Variants in MAD1L1 observed in about 807,000 individuals in gnomAD.
MAD1L1 encodes the protein mitotic spindle assembly checkpoint protein MAD1.
MAD1L1 carries 95 observed loss-of-function variants against 96.9 expected under a neutral mutation model. That is an observed-to-expected ratio of 0.98 (90% CI 0.83 to 1.16). The LOEUF (loss-of-function observed/expected upper bound fraction) is 1.16, where lower values mean the gene tolerates loss of function less well. Ranked by LOEUF, MAD1L1 falls within the 50% of genes most tolerant of loss-of-function variation. The pLI, the probability that MAD1L1 is intolerant of heterozygous loss-of-function variation, is 0.00. For synonymous variants in MAD1L1, 473 were observed against 396.6 expected, an observed-to-expected ratio of 1.19 and a Z score of -2.29; for missense variants, 1,007 against 954.4, an observed-to-expected ratio of 1.06 and a Z score of -0.73.
At chr7:2,041,304 C>T (rs1212522660) in intron 12 of MAD1L1, among the ~76,000 whole-genome samples, 1 of 152,186 alleles carries the variant, frequency 6.6e-6, no homozygotes, top group Non-Finnish European at 1.5e-5. Context: ...GGATGTCCTT[C>T]TCAAGGACCG....
intron 15 of MAD1L1, among the ~76,000 whole-genome samples, chr7:1,967,712 T>C (rs1308847645): frequency 1.3e-5 from 2 of 151,422 alleles, no homozygotes; most frequent in African/African-American, 4.9e-5. Context: ...TGCCAGAGAG[T>C]GAGGAAGGGC....
intron 16 of MAD1L1, among the ~76,000 whole-genome samples, chr7:1,952,959 C>T (rs1248019314): frequency 6.6e-6 from 1 of 152,190 alleles, no homozygotes; most frequent in Non-Finnish European, 1.5e-5. Flanking sequence ...GGACACGACC[C>T]CAGCCCACCA....
In MAD1L1 at chr7:1,816,292, C is replaced by A. The variant is rs369465779; in HGVS notation, c.1999-64G>T. The stretch of plus-strand genomic sequence containing the variant: ...CCCGACAGGCCTCTCCCTCTCCCCT[C>A]CCTCCCTACACAGCCCCTCCAGCCA... On this transcript the variant is annotated intron_variant, in intron 18 of 18. Transcript: ENST00000265854. 271 of 1,521,190 alleles carry A rather than the reference C, an allele frequency of 1.8e-4. 3 individuals are homozygous for A. The East Asian group carries it at 4.8e-3, about 27-fold the overall frequency. 94.2% of individuals were successfully genotyped at this position (1,521,190 alleles called of 1,614,324 possible).
At chr7:2,206,566 T>A (rs1792606943) in intron 10 of MAD1L1, among the ~76,000 whole-genome samples, 1 of 152,254 alleles carries the variant, frequency 6.6e-6, no homozygotes, top group South Asian at 2.1e-4. Flanking sequence ...CACTGAATTA[T>A]CTGGACACTT....
intron 12 of MAD1L1, among the ~76,000 whole-genome samples, chr7:2,032,323 C>A (rs1018288140): frequency 6.6e-6 from 1 of 152,248 alleles, no homozygotes; most frequent in Admixed American, 6.5e-5. Context: ...AAGGCGCGCG[C>A]CCCAGGTCTC....
At position 1,854,243 on chromosome 7, in the gene MAD1L1, C is replaced by T. The variant is rs143250253; in HGVS notation, c.1999-38015G>A. ...CGCACCCACCATGGCCCCGGTGCCT[C>T]GGTGTTGGGTACTGAGCCCGCTGGG... On this transcript the variant is annotated intron_variant, in intron 18 of 18. Transcript: ENST00000265854. 2,222 of 352,392 alleles carry T rather than the reference C, an allele frequency of 6.3e-3. 48 individuals carry two copies. Among genetic ancestry groups the T allele is most frequent in the African/African-American group, 0.044 (2,029 of 46,530 alleles). 21.8% of individuals were successfully genotyped at this position (352,392 alleles called of 1,614,324 possible).
chr7:2,012,973 G>A lies in MAD1L1; in HGVS notation c.1359+1529C>T, dbSNP rs763580987. 2.0e-5 allele frequency among the ~76,000 whole-genome samples: 3 copies of A among 152,224 alleles called. No homozygotes were observed. The East Asian group carries it at 5.8e-4, about 29-fold the overall frequency. ...ATCTTCCCTGAACAGCTGCTGGGAC[G>A]CCCATGCAGCGCAGCTCCCTGAGAC... On this transcript the variant is annotated intron_variant, in intron 13 of 18. Coordinates refer to ENST00000265854, the MANE Select transcript of MAD1L1 (RefSeq NM_001013836.2).
chr7:1,847,955 C>G (rs979335832), intron 18 of MAD1L1: 1 of 351,396 alleles, frequency 2.8e-6, no homozygotes, highest in Non-Finnish European at 5.7e-6. Flanking sequence ...AACAGGCCAC[C>G]CAGATGCAAG....
intron 11 of MAD1L1, among the ~76,000 whole-genome samples, chr7:2,102,138 C>A (rs569744781): frequency 5.9e-5 from 9 of 152,174 alleles, no homozygotes; most frequent in Admixed American, 5.9e-4. Flanking sequence ...GATGCCAAGT[C>A]CTGCCACTGC....
At chr7:2,170,650 A>C (rs1404634540) in intron 10 of MAD1L1, among the ~76,000 whole-genome samples, 1 of 152,202 alleles carries the variant, frequency 6.6e-6, no homozygotes, top group Non-Finnish European at 1.5e-5. Flanking sequence ...GGAGTGAAGA[A>C]TAGTTGCAAG....
chr7:1,874,692 C>T (rs746809039), intron 18 of MAD1L1: 14 of 367,512 alleles, frequency 3.8e-5, no homozygotes, highest in Non-Finnish European at 7.0e-5. Context: ...GCTACCTGCT[C>T]GATTGGGGCC....
chr7:1,883,220 G>A (rs931401068), intron 18 of MAD1L1, among the ~76,000 whole-genome samples: 6 of 152,156 alleles, frequency 3.9e-5, no homozygotes, highest in Non-Finnish European at 7.3e-5. Context: ...AACAAACCTT[G>A]TGCCACAAAC....
chr7:2,066,377 C>G (rs918456729), intron 12 of MAD1L1, among the ~76,000 whole-genome samples: 21 of 152,254 alleles, frequency 1.4e-4, no homozygotes, highest in African/African-American at 5.1e-4. Flanking sequence ...TGAACAGCTT[C>G]ATCACGGCTG....
rs986318432 is a variant in MAD1L1 at position 2,103,453 on chromosome 7, C to A, written c.1074-34115G>T. ...GCACCTGAGAGGACAGAGGGTGAGG[C>A]GATACAGCAGTGCAGCAGATCTCAC... is the stretch of plus-strand genomic sequence containing the variant. On this transcript the variant is annotated intron_variant, in intron 11 of 18. Transcript: ENST00000265854. This position sits in a 1 kb window ranked among gnomAD's most constrained non-coding sequence, Gnocchi z 4.3. 2.0e-5 allele frequency among the ~76,000 whole-genome samples: 3 copies of A among 152,104 alleles called. No individual in the cohort carries two copies. The highest frequency in any genetic ancestry group is 7.2e-5 in the African/African-American group (3 of 41,402).
intron 18 of MAD1L1, among the ~76,000 whole-genome samples, chr7:1,889,724 CT>C (rs1786419691): frequency 6.6e-6 from 1 of 152,260 alleles, no homozygotes; most frequent in Non-Finnish European, 1.5e-5. Flanking sequence ...GCCACGTCCC[CT>C]CTGCAGGCCG....
Position 2,042,179 on chromosome 7 carries a change from GCA to G in MAD1L1, c.1218+27013_1218+27014del, listed in dbSNP as rs369330974. Among the ~76,000 whole-genome samples, 187 of 149,944 alleles carry G rather than the reference GCA, an allele frequency of 1.2e-3. 3 individuals carry two copies. In the East Asian group the frequency reaches 0.018, roughly 14 times the overall value. On this transcript the variant is annotated intron_variant, in intron 12 of 18. Transcript: ENST00000265854. ...CACACATATGTACACACATACACAT[GCA>G]CACACACACGCACATGGACACAGAC...
intron 18 of MAD1L1, among the ~76,000 whole-genome samples, chr7:1,866,378 C>A (rs1784780431): frequency 6.6e-6 from 1 of 152,202 alleles, no homozygotes; most frequent in Non-Finnish European, 1.5e-5. Flanking sequence ...GCTCCTGGAA[C>A]CCTAACTGGT....
At chr7:1,887,843 C>CTG (rs1227986863) in intron 18 of MAD1L1, among the ~76,000 whole-genome samples, 29 of 44,318 alleles carry the variant, frequency 6.5e-4, no homozygotes, top group South Asian at 3.4e-3. Flanking sequence ...ATGTGGCGTC[C>CTG]TGTGCGTGTG....
chr7:2,202,815 T>G (rs1312896851), intron 10 of MAD1L1, among the ~76,000 whole-genome samples: 3 of 152,208 alleles, frequency 2.0e-5, no homozygotes, highest in Non-Finnish European at 2.9e-5. Context: ...AGACCCTTCC[T>G]TAGAGGAAAA....
Sources: gnomAD v4.1 joint callset for allele counts (sites outside exome capture counted in the v4.1 genomes callset) on GRCh38, gnomAD v4.1.1 for gene constraint, Gnocchi (gnomAD v3.1) non-coding constraint, MANE v1.5 for transcripts, NCBI Gene and HGNC (gene_info 2026-07-23, HGNC 2026-07-21) for gene names.